The following NELL2 variants were observed in gnomAD, a reference collection of about 807,000 sequenced individuals.
The protein encoded by NELL2 is neural EGFL like 2, also known as protein kinase C-binding protein NELL2.
NELL2 carries 41 observed loss-of-function variants against 109.6 expected under a neutral mutation model. That is an observed-to-expected ratio of 0.37 (90% CI 0.29 to 0.49). The LOEUF is 0.49. Ranked by LOEUF, NELL2 falls within the 20% of genes least tolerant of loss-of-function variation. NELL2 has a pLI of 0.98. For synonymous variants in NELL2, 355 were observed against 344.7 expected, an observed-to-expected ratio of 1.03 and a Z score of -0.33; for missense variants, 900 against 1,008.3, an observed-to-expected ratio of 0.89 and a Z score of 1.45.
At chr12:44,723,989 C>T (rs1158929461) in intron 9 of NELL2, among the ~76,000 whole-genome samples, 2 of 151,908 alleles carry the variant, frequency 1.3e-5, no homozygotes, top group Admixed American at 6.6e-5. Context: ...TGGAATCAAC[C>T]TAACTGCCAA....
chr12:44,594,666 A>G (rs1029594153), intron 15 of NELL2, among the ~76,000 whole-genome samples: 1 of 152,212 alleles, frequency 6.6e-6, no homozygotes, highest in Non-Finnish European at 1.5e-5. Flanking sequence ...TCAAGAATAT[A>G]AAGTCCTTGA....
chr12:44,635,328 T>C (rs1192607464), intron 13 of NELL2, among the ~76,000 whole-genome samples: 1 of 152,210 alleles, frequency 6.6e-6, no homozygotes, highest in Non-Finnish European at 1.5e-5. Flanking sequence ...TGCCATTGCT[T>C]TTGGTGTTTT....
chr12:44,682,038 T>C (rs1420301940), intron 12 of NELL2, among the ~76,000 whole-genome samples: 1 of 151,540 alleles, frequency 6.6e-6, no homozygotes, highest in African/African-American at 2.5e-5. Flanking sequence ...CCACCAACAG[T>C]GTAAAAGTGT....
intron 2 of NELL2, among the ~76,000 whole-genome samples, chr12:44,845,420 T>G (rs1332877349): frequency 6.6e-6 from 1 of 152,176 alleles, no homozygotes; most frequent in African/African-American, 2.4e-5. Context: ...GCTAGATCAA[T>G]CCACTAGTCA....
At chr12:44,895,738 T>G (rs1451169075) in intron 1 of NELL2, among the ~76,000 whole-genome samples, 2 of 152,170 alleles carry the variant, frequency 1.3e-5, no homozygotes, top group East Asian at 3.9e-4. Context: ...CTAACTTTAA[T>G]TAGATATTAC....
chr12:44,543,081 T>A (rs1199957071), intron 15 of NELL2, among the ~76,000 whole-genome samples: 2 of 152,148 alleles, frequency 1.3e-5, no homozygotes, highest in African/African-American at 4.8e-5. Context: ...AATAGTACAG[T>A]ATCTTATTTA....
intron 19 of NELL2, among the ~76,000 whole-genome samples, chr12:44,517,404 TCTCTCTCTCTCTCTC>T (rs1941325938): frequency 6.6e-6 from 1 of 151,222 alleles, no homozygotes; most frequent in African/African-American, 2.4e-5. Context: ...TCTCTCTCTC[TCTCTCTCTCTCTCTC>T]TCGTTCCCAC....
At chr12:44,806,023 T>A (rs1425726081) in intron 3 of NELL2, among the ~76,000 whole-genome samples, 2 of 151,912 alleles carry the variant, frequency 1.3e-5, no homozygotes, top group Admixed American at 6.6e-5. Flanking sequence ...AGGAAAAAAA[T>A]TATTTCTTCA....
At position 44,520,187 on chromosome 12, in the gene NELL2, C is replaced by G; in HGVS notation, c.2218G>C (p.Glu740Gln). Residue 740 changes from glutamate to glutamine, a missense_variant, in exon 19 of 20, where the codon GAG (glutamate) becomes CAG (glutamine). Glu to Gln is a conservative substitution (Grantham distance 29). Coordinates refer to ENST00000429094, the MANE Select transcript of NELL2 (RefSeq NM_001145108.2). ...DCWPLPCPDV[E>Q]CEFSILPENE... ...TCTGGGAGAATGCTGAATTCACACT[C>G]CACATCTGGGCAAGGCAGGGGCCAA... The G allele has an allele frequency of 6.2e-7, 1 of 1,613,694 alleles. No individual in the cohort carries two copies. The highest frequency in any genetic ancestry group is 8.5e-7 in the Non-Finnish European group (1 of 1,179,906).
intron 12 of NELL2, among the ~76,000 whole-genome samples, chr12:44,683,554 GT>G (rs1948604516): frequency 6.7e-6 from 1 of 149,922 alleles, no homozygotes; most frequent in Non-Finnish European, 1.5e-5. Context: ...TTGGCTGTGG[GT>G]TTGTCATAGA....
chr12:44,723,190 C>CAA (rs754475891), intron 9 of NELL2, among the ~76,000 whole-genome samples: 29 of 125,588 alleles, frequency 2.3e-4, no homozygotes, highest in African/African-American at 6.7e-4. Context: ...GACTCCGTCT[C>CAA]AAAAAAAAAA....
At chr12:44,550,842 G>A (rs1943020295) in intron 15 of NELL2, among the ~76,000 whole-genome samples, 1 of 152,126 alleles carries the variant, frequency 6.6e-6, no homozygotes, top group African/African-American at 2.4e-5. Flanking sequence ...AGGTAGAATG[G>A]TGTTTTCCAG....
intron 3 of NELL2, among the ~76,000 whole-genome samples, chr12:44,780,541 G>A (rs1032628369): frequency 6.6e-6 from 1 of 151,780 alleles, no homozygotes; most frequent in East Asian, 2.0e-4. Flanking sequence ...GTCAGAGAAG[G>A]CCAAGTTTAG....
At chr12:44,737,903 G>T (rs1162685658) in intron 9 of NELL2, among the ~76,000 whole-genome samples, 3 of 150,690 alleles carry the variant, frequency 2.0e-5, no homozygotes, top group Non-Finnish European at 4.4e-5. Flanking sequence ...AAAAAAAAAT[G>T]TATGACAGAC....
intron 9 of NELL2, among the ~76,000 whole-genome samples, chr12:44,723,825 C>A (rs541522488): frequency 8.6e-5 from 13 of 152,030 alleles, no homozygotes; most frequent in Non-Finnish European, 1.9e-4. Context: ...CTATGGAAAG[C>A]CGTTTGTAGA....
At chr12:44,630,413 T>G (rs754815712) in intron 13 of NELL2, among the ~76,000 whole-genome samples, 4 of 152,220 alleles carry the variant, frequency 2.6e-5, no homozygotes, top group Non-Finnish European at 5.9e-5. Context: ...ACTAAATTCT[T>G]AAATGTTAAA....
chr12:44,875,332 G>A lies in NELL2; in HGVS notation c.77C>T (p.Pro26Leu), dbSNP rs951818284. The change falls in exon 2 of 20, where the codon CCT becomes CTT. Residue 26 changes from proline (P) to leucine (L), a missense_variant. Physicochemically the swap from Pro to Leu is moderately conservative, Grantham distance 98 (BLOSUM62 -3). Around this residue, in one of 4 missense-constraint regions of NELL2, gnomAD observed 200 missense variants for 191.8 expected, o/e 1.04. Coordinates refer to ENST00000429094, the MANE Select transcript of NELL2 (RefSeq NM_001145108.2). ...TGTTAAGACGTCAATCTGTAGGGAA[G>A]GGTCCACACCAAGCCCCCAAACTGG... ...LGAVWGLGVD[P>L]SLQIDVLTEL... 6 of 1,613,970 alleles carry A rather than the reference G, an allele frequency of 3.7e-6. No individual in the cohort carries two copies. In the African/African-American group the frequency reaches 8.0e-5, roughly 22 times the overall value.
intron 2 of NELL2, among the ~76,000 whole-genome samples, chr12:44,833,067 AT>A (rs1262134179): frequency 6.6e-6 from 1 of 152,208 alleles, no homozygotes; most frequent in Non-Finnish European, 1.5e-5. Context: ...CTTTTTCCCA[AT>A]TCCACCACCA....
intron 9 of NELL2, among the ~76,000 whole-genome samples, chr12:44,768,730 CACCT>C (rs1375808501): frequency 1.3e-5 from 2 of 148,850 alleles, no homozygotes; most frequent in Non-Finnish European, 3.0e-5. Context: ...TAAAACAACA[CACCT>C]TTCTTTTGAT....
Sources: allele counts gnomAD v4.1 joint callset (sites outside exome capture counted in the v4.1 genomes callset), GRCh38; gene constraint gnomAD v4.1.1; regional missense constraint gnomAD v4.1.1; transcripts MANE v1.5; gene names NCBI Gene and HGNC (gene_info 2026-07-23, HGNC 2026-07-21).